The following MYRIP variants were observed in gnomAD, a reference collection of about 807,000 sequenced individuals.
MYRIP encodes rab effector MyRIP.
In MYRIP, 49 loss-of-function variants were observed where a neutral mutation model predicts 98.0. The ratio of observed to expected loss-of-function variants is 0.50; its 90% CI spans 0.40 to 0.63. MYRIP has a LOEUF of 0.63. MYRIP is among the 30% of genes least tolerant of loss of function. MYRIP has a pLI of 0.00. For missense variants in MYRIP, 1,004 were observed against 1,058.2 expected (o/e 0.95, Z 0.71); for synonymous variants, 404 against 409.5 (o/e 0.99, Z 0.16).
intron 11 of MYRIP, among the ~76,000 whole-genome samples, chr3:40,218,869 A>C (rs754116549): frequency 6.6e-6 from 1 of 152,010 alleles, no homozygotes; most frequent in South Asian, 2.1e-4. Flanking sequence ...CATCTTAATG[A>C]GATTTTTTGC....
intron 2 of MYRIP, among the ~76,000 whole-genome samples, chr3:39,936,903 G>A (rs1175051830): frequency 6.6e-6 from 1 of 152,102 alleles, no homozygotes; most frequent in Non-Finnish European, 1.5e-5. Context: ...GCTTAGTTTA[G>A]TGTTTTATGG....
At chr3:39,877,994 C>G (rs1256911257) in intron 1 of MYRIP, among the ~76,000 whole-genome samples, 4 of 152,184 alleles carry the variant, frequency 2.6e-5, no homozygotes, top group Non-Finnish European at 4.4e-5. Flanking sequence ...GTGGTGGGCT[C>G]CACCCAGTTC....
At chr3:40,124,105 C>T (rs536122448) in intron 3 of MYRIP, among the ~76,000 whole-genome samples, 40 of 152,308 alleles carry the variant, frequency 2.6e-4, no homozygotes, top group African/African-American at 9.4e-4. Flanking sequence ...GAATGAACAA[C>T]TCACCAAGAC....
At chr3:39,960,491 T>C (rs1945295272) in intron 2 of MYRIP, among the ~76,000 whole-genome samples, 1 of 152,144 alleles carries the variant, frequency 6.6e-6, no homozygotes, top group South Asian at 2.1e-4. Context: ...TGGGGGAAAA[T>C]GTAGTTCATT....
chr3:40,155,856 A>C (rs1163733295), intron 4 of MYRIP, among the ~76,000 whole-genome samples: 2 of 151,166 alleles, frequency 1.3e-5, no homozygotes, highest in Non-Finnish European at 3.0e-5. Context: ...TTTTTCTTGT[A>C]AATTTGTTTG....
At chr3:39,829,091 C>A (rs866283887) in intron 1 of MYRIP, among the ~76,000 whole-genome samples, 2 of 152,318 alleles carry the variant, frequency 1.3e-5, no homozygotes, top group Middle Eastern at 3.4e-3. Context: ...TACATTCCCA[C>A]CAGCAGTGTA....
intron 8 of MYRIP, among the ~76,000 whole-genome samples, chr3:40,181,264 AG>A (rs1392812287): frequency 2.0e-5 from 3 of 152,112 alleles, no homozygotes; most frequent in African/African-American, 7.2e-5. Context: ...CCAGCTCCAA[AG>A]CACCCCATGG....
At chr3:40,089,928 G>A (rs995179575) in intron 3 of MYRIP, among the ~76,000 whole-genome samples, 4 of 151,966 alleles carry the variant, frequency 2.6e-5, no homozygotes, top group African/African-American at 9.7e-5. Flanking sequence ...AAAAGGTCAA[G>A]CAAAGTCACA....
intron 4 of MYRIP, among the ~76,000 whole-genome samples, chr3:40,157,469 G>A (rs894740443): frequency 7.3e-5 from 11 of 150,982 alleles, no homozygotes; most frequent in South Asian, 4.2e-4. Context: ...TTTTGGTTGC[G>A]TCTCTGCCCG....
At chr3:39,871,357 G>A (rs953506435) in intron 1 of MYRIP, among the ~76,000 whole-genome samples, 6 of 152,196 alleles carry the variant, frequency 3.9e-5, no homozygotes, top group Non-Finnish European at 8.8e-5. Flanking sequence ...TTTGAAAACT[G>A]CATGGACTTT....
intron 2 of MYRIP, among the ~76,000 whole-genome samples, chr3:39,925,618 G>C (rs1198720149): frequency 1.3e-5 from 2 of 152,014 alleles, no homozygotes; most frequent in African/African-American, 4.8e-5. Context: ...CACTTAGGAT[G>C]ATGCCCTCTA....
In MYRIP at chr3:40,243,227, C is replaced by A. The variant is rs1953081130; in HGVS notation, c.2101-1219C>A. 2.6e-5 allele frequency among the ~76,000 whole-genome samples: 4 copies of A among 152,196 alleles called. No individual in the cohort carries two copies. The South Asian group carries it at 8.3e-4, about 32-fold the overall frequency. ...AGCTCCCACAGCCCAGGTAATTATG[C>A]CTGATGATGATGCGCAAATTTGCTT... On this transcript the variant is annotated intron_variant, in intron 12 of 16. Coordinates refer to ENST00000302541, the MANE Select transcript of MYRIP (RefSeq NM_015460.4).
intron 2 of MYRIP, among the ~76,000 whole-genome samples, chr3:39,922,112 TTTTTGTTTTG>T (rs771498660): frequency 6.6e-5 from 10 of 151,970 alleles, no homozygotes; most frequent in Admixed American, 2.6e-4. Context: ...TTCTCTTAGG[TTTTTGTTTTG>T]TTTTGTTTTG....
intron 1 of MYRIP, among the ~76,000 whole-genome samples, chr3:39,819,729 G>A (rs1366138199): frequency 1.3e-5 from 2 of 152,192 alleles, no homozygotes; most frequent in Non-Finnish European, 2.9e-5. Flanking sequence ...ACATGGTTGG[G>A]GGATGGGCTG....
intron 3 of MYRIP, among the ~76,000 whole-genome samples, chr3:40,071,511 A>C (rs759029798): frequency 7.2e-5 from 11 of 152,172 alleles, no homozygotes; most frequent in Non-Finnish European, 1.3e-4. Context: ...AACATGTGTG[A>C]CGATTCAGTA....
chr3:40,243,493 G>GT (rs1474126553), intron 12 of MYRIP, among the ~76,000 whole-genome samples: 2 of 151,154 alleles, frequency 1.3e-5, no homozygotes, highest in Admixed American at 6.6e-5. Context: ...TAAGGAAACT[G>GT]TTAAAGTCTT....
Position 40,258,315 on chromosome 3 carries a change from T to C in MYRIP, c.*149T>C. On this transcript the variant is annotated 3_prime_UTR_variant, in exon 17 of 17. Transcript: ENST00000302541. Reference sequence around the variant, plus strand: ...GCACCATTGCACAGGGCTGTCCTGATACCTCATCCAGAAAGCCGTCTCAGA... The same window carrying C: ...GCACCATTGCACAGGGCTGTCCTGACACCTCATCCAGAAAGCCGTCTCAGA... 1.2e-6 allele frequency: 1 copy of C among 845,970 alleles called. No individual in the cohort carries two copies. The highest frequency in any genetic ancestry group is 1.5e-5 in the South Asian group (1 of 65,334). The allele number at this position is 845,970 out of a possible 1,614,324, so 52.4% of individuals were successfully genotyped here.
At chr3:39,995,517 C>T (rs1035234023) in intron 2 of MYRIP, among the ~76,000 whole-genome samples, 1 of 152,096 alleles carries the variant, frequency 6.6e-6, no homozygotes, top group Admixed American at 6.5e-5. Context: ...ACAGAGCCTC[C>T]AAGAAATATG....
intron 1 of MYRIP, among the ~76,000 whole-genome samples, chr3:39,884,731 C>G (rs1045819416): frequency 6.6e-6 from 1 of 151,744 alleles, no homozygotes; most frequent in East Asian, 1.9e-4. Flanking sequence ...TTTCCATATT[C>G]GCTCATAAAT....
Sources: gnomAD v4.1 joint callset for allele counts (sites outside exome capture counted in the v4.1 genomes callset) on GRCh38, gnomAD v4.1.1 for gene constraint, MANE v1.5 for transcripts, NCBI Gene and HGNC (gene_info 2026-07-23, HGNC 2026-07-21) for gene names.